TMEM225: variants seen among roughly 807,000 people sequenced by gnomAD.
TMEM225 encodes PMP22 claudin domain-containing protein.
Under a neutral mutation model 17.6 loss-of-function variants are expected in TMEM225, and 10 were observed. That is an observed-to-expected ratio of 0.57 (90% confidence interval 0.35 to 0.96). The LOEUF is 0.96. TMEM225 is among the 40% of genes least tolerant of loss of function. The pLI is 0.02. For missense variants in TMEM225, 245 were observed against 271.5 expected, an observed-to-expected ratio of 0.90 and a Z score of 0.69; for synonymous variants, 101 against 94.5, an observed-to-expected ratio of 1.07 and a Z score of -0.40.
chr11:123,882,963 G>T lies in TMEM225; in HGVS notation c.*175C>A. 2.1e-6 allele frequency: 1 copy of T among 475,390 alleles called. No homozygotes were observed. The highest frequency in any genetic ancestry group is 3.7e-6 in the Non-Finnish European group (1 of 270,398). 29.4% of individuals were successfully genotyped at this position (475,390 alleles called of 1,614,324 possible). On this transcript the variant is annotated 3_prime_UTR_variant, in exon 4 of 4. Coordinates refer to ENST00000375026, the MANE Select transcript of TMEM225 (RefSeq NM_001013743.3). ...ATTTATTATATTAACAACAAATGTT[G>T]CAGAAGAAACTATTCGTTCAGCAGG...
chr11:123,883,171 T>G lies in TMEM225; in HGVS notation c.645A>C (p.Lys215Asn), dbSNP rs752052107. The G allele has an allele frequency of 6.8e-6, 11 of 1,613,270 alleles. 1 individual carries two copies. The Admixed American group carries it at 1.7e-4, about 24-fold the overall frequency. ...RAHTVNSLNK[K>N]VQTRHVTWAL Reference sequence around the variant, plus strand: ...CCCAGGTTACGTGACGTGTTTGGACTTTTTTGTTTAGGGAATTCACAGTGT... The same window carrying G: ...CCCAGGTTACGTGACGTGTTTGGACGTTTTTGTTTAGGGAATTCACAGTGT... The change falls in exon 4 of 4, where the codon AAA becomes AAC. Residue 215 changes from lysine (K) to asparagine (N), a missense_variant. Transcript: ENST00000375026.
At chr11:123,883,387 G>T in intron 3 of TMEM225, 35 bp from the exon 4 acceptor site, 1 of 1,474,790 alleles carries the variant, frequency 6.8e-7, no homozygotes, top group Non-Finnish European at 9.5e-7. Context: ...TGGGATGAAG[G>T]GACAATGGAG....
At position 123,884,200 on chromosome 11, in the gene TMEM225, A is replaced by G. The variant is rs1240108023; in HGVS notation, c.338T>C (p.Leu113Pro). The G allele has an allele frequency of 2.6e-6, 4 of 1,562,392 alleles. No individual in the cohort carries two copies. Among genetic ancestry groups the G allele is most frequent in the Non-Finnish European group, 2.6e-6 (3 of 1,152,884 alleles). ...TILSFFSGIS[L>P]LWALILYHNK... ...GTGATATAGTATGAGTGCCCAGAGC[A>G]GAGAGATACCTGATGTCCAGACAAA... Residue 113 changes from leucine (L) to proline (P), a missense_variant, in exon 3 of 4, where the codon CTG (leucine) becomes CCG (proline). Transcript: ENST00000375026.
In TMEM225 at chr11:123,884,055, G is replaced by T. The variant is rs374644889; in HGVS notation, c.463+20C>A. On this transcript the variant is annotated intron_variant, in intron 3 of 3. Transcript: ENST00000375026. ...ATGGATTGGTTCTTAACACCCTTCA[G>T]GGGCCCTGGAGACACTCACCACAGA... 162 of 1,592,210 alleles carry T rather than the reference G, an allele frequency of 1.0e-4. No individual in the cohort carries two copies. The highest frequency in any genetic ancestry group is 1.4e-4 in the Non-Finnish European group (159 of 1,171,234).
intron 1 of TMEM225, 118 bp downstream of exon 1, chr11:123,885,127 T>A: frequency 1.1e-6 from 1 of 923,292 alleles, no homozygotes; most frequent in Non-Finnish European, 1.6e-6. Context: ...CACTGCAACT[T>A]GAGAAGCTGC....
chr11:123,883,972 T>TGGG, intron 3 of TMEM225, 103 bp downstream of exon 3: 1 of 1,289,912 alleles, frequency 7.8e-7, no homozygotes, highest in Non-Finnish European at 1.0e-6. Flanking sequence ...CCTTTTAAAA[T>TGGG]GCAAGGTTTG....
intron 1 of TMEM225, 36 bp downstream of exon 1, chr11:123,885,209 C>G: frequency 6.3e-7 from 1 of 1,593,782 alleles, no homozygotes; most frequent in Non-Finnish European, 8.6e-7. Context: ...CACACCCTTC[C>G]TTTCCACCCG....
rs1299501427 is a variant in TMEM225, at chr11:123,885,233, T to C, written c.181+12A>G. On this transcript the variant is annotated intron_variant, in intron 1 of 3. Coordinates refer to ENST00000375026, the MANE Select transcript of TMEM225 (RefSeq NM_001013743.3). The stretch of plus-strand genomic sequence containing the variant: ...CCTTTCCACCCGTCTCTTTCTAGAG[T>C]ACAGTTCTGACCTTCTGGCCAAAGA... 1 of 1,611,094 alleles carries C rather than the reference T, an allele frequency of 6.2e-7. No homozygotes were observed. Among genetic ancestry groups the C allele is most frequent in the South Asian group, 1.1e-5 (1 of 90,624 alleles).
In TMEM225 at chr11:123,884,222, C is replaced by CAAAAAAAAAAAAAAAAA; in HGVS notation, c.329-30_329-14dup. 7 of 1,230,850 alleles carry CAAAAAAAAAAAAAAAAA rather than the reference C, an allele frequency of 5.7e-6. No homozygotes were observed. Among genetic ancestry groups the CAAAAAAAAAAAAAAAAA allele is most frequent in the South Asian group, 4.1e-5 (2 of 49,224 alleles). 76.2% of individuals were successfully genotyped at this position (1,230,850 alleles called of 1,614,324 possible). On this transcript the variant is annotated splice_polypyrimidine_tract_variant and intron_variant, in intron 2 of 3. Coordinates refer to ENST00000375026, the MANE Select transcript of TMEM225 (RefSeq NM_001013743.3). ...AGCAGAGAGATACCTGATGTCCAGA[C>CAAAAAAAAAAAAAAAAA]AAAAAAAAAAAAAAAAAAAGAAAAA...
At position 123,883,125 on chromosome 11, in the gene TMEM225, A is replaced by G; in HGVS notation, c.*13T>C. On this transcript the variant is annotated 3_prime_UTR_variant, in exon 4 of 4. Transcript: ENST00000375026. ...TAAAGATGAGCATATACTGCAAGAA[A>G]TAGATTGCCAAATCACAGAGCCCAG... is the stretch of plus-strand genomic sequence containing the variant. The G allele has an allele frequency of 6.2e-7, 1 of 1,610,956 alleles. No homozygotes were observed. Among genetic ancestry groups the G allele is most frequent in the Non-Finnish European group, 8.5e-7 (1 of 1,177,474 alleles).
chr11:123,885,313 G>C lies in TMEM225; in HGVS notation c.113C>G (p.Ser38Ter). Residue 38 changes from serine (S) to a stop codon, truncating the protein, a stop_gained, in exon 1 of 4, where the codon TCA becomes TGA. Coordinates refer to ENST00000375026, the MANE Select transcript of TMEM225 (RefSeq NM_001013743.3). LOFTEE classifies it high-confidence loss of function. Reference protein sequence around the residue: ...ITLDKWVELISEDERAKMNHS... With the variant: ...ITLDKWVELI ...GTTCATCTTGGCTCTTTCATCTTCTGAAATCAATTCAACCCATTTATCTAA... is the reference window on the plus strand; with the variant it reads ...GTTCATCTTGGCTCTTTCATCTTCTCAAATCAATTCAACCCATTTATCTAA... 6.2e-7 allele frequency: 1 copy of C among 1,613,602 alleles called. No individual in the cohort carries two copies. The highest frequency in any genetic ancestry group is 8.5e-7 in the Non-Finnish European group (1 of 1,179,706).
At position 123,884,187 on chromosome 11, in the gene TMEM225, G is replaced by A; in HGVS notation, c.351C>T (p.Leu117=). The A allele has an allele frequency of 6.4e-7, 1 of 1,552,782 alleles. No individual in the cohort carries two copies. Among genetic ancestry groups the A allele is most frequent in the Non-Finnish European group, 8.8e-7 (1 of 1,138,788 alleles). The part of the protein sequence containing the change: ...FFSGISLLWA[L]ILYHNKLKQG... Reference sequence around the variant, plus strand: ...GCTTCAGCTTATTGTGATATAGTATGAGTGCCCAGAGCAGAGAGATACCTG... The same window carrying A: ...GCTTCAGCTTATTGTGATATAGTATAAGTGCCCAGAGCAGAGAGATACCTG... Residue 117 remains leucine (L), a synonymous_variant, in exon 3 of 4, where the codon CTC becomes CTT. Coordinates refer to ENST00000375026, the MANE Select transcript of TMEM225 (RefSeq NM_001013743.3).
At position 123,883,353 on chromosome 11, in the gene TMEM225, C is replaced by G. The variant is rs1862990614; in HGVS notation, c.464-1G>C. On this transcript the variant is annotated splice_acceptor_variant, in intron 3 of 3. Coordinates refer to ENST00000375026, the MANE Select transcript of TMEM225 (RefSeq NM_001013743.3). LOFTEE classifies it high-confidence loss of function. ...TTGCACTCTAGGAGAGAGAGGACTC[C>G]TAGGGAAAAGAGATTCCAGGGAGTG... is the stretch of plus-strand genomic sequence containing the variant. 6.2e-7 allele frequency: 1 copy of G among 1,606,444 alleles called. No individual in the cohort carries two copies. The highest frequency in any genetic ancestry group is 8.5e-7 in the Non-Finnish European group (1 of 1,173,778).
At position 123,885,279 on chromosome 11, in the gene TMEM225, A is replaced by G. The variant is rs750905300; in HGVS notation, c.147T>C (p.Pro49=). 4 of 1,613,588 alleles carry G rather than the reference A, an allele frequency of 2.5e-6. No homozygotes were observed. Among genetic ancestry groups the G allele is most frequent in the Non-Finnish European group, 3.4e-6 (4 of 1,179,664 alleles). ...EDERAKMNHS[P]WMMCCPALWP... ...AAAGAGCAGGGCAACACATCATCCAAGGACTGTGGTTCATCTTGGCTCTTT... is the reference window on the plus strand; with the variant it reads ...AAAGAGCAGGGCAACACATCATCCAGGGACTGTGGTTCATCTTGGCTCTTT... Residue 49 remains proline, a synonymous_variant, in exon 1 of 4, where the codon CCT becomes CCC. Transcript: ENST00000375026.
chr11:123,885,232 G>C lies in TMEM225; in HGVS notation c.181+13C>G. The C allele has an allele frequency of 6.2e-7, 1 of 1,611,042 alleles. No individual in the cohort carries two copies. The highest frequency in any genetic ancestry group is 8.5e-7 in the Non-Finnish European group (1 of 1,178,384). On this transcript the variant is annotated intron_variant, in intron 1 of 3. Transcript: ENST00000375026. ...TCCTTTCCACCCGTCTCTTTCTAGA[G>C]TACAGTTCTGACCTTCTGGCCAAAG...
rs1862988479 is a variant in TMEM225 at position 123,883,292 on chromosome 11, T to C, written c.524A>G (p.His175Arg). ...STSSCTCLNI[H>R]KSDNECKESE... is the part of the protein sequence containing the mutation. ...TTCCTTACATTCGTTGTCAGATTTA[T>C]GGATGTTCAGGCAGGTACAGCTACT... Residue 175 changes from histidine to arginine, a missense_variant, in exon 4 of 4, where the codon CAT (histidine) becomes CGT (arginine). Transcript: ENST00000375026. 4.3e-6 allele frequency: 7 copies of C among 1,613,422 alleles called. No individual in the cohort carries two copies. The highest frequency in any genetic ancestry group is 5.9e-6 in the Non-Finnish European group (7 of 1,179,602).
At position 123,885,398 on chromosome 11, in the gene TMEM225, G is replaced by T. The variant is rs781422550; in HGVS notation, c.28C>A (p.Gln10Lys). 5.6e-6 allele frequency: 9 copies of T among 1,612,674 alleles called. No homozygotes were observed. In the East Asian group the frequency reaches 2.0e-4, roughly 36 times the overall value. The stretch of plus-strand genomic sequence containing the variant: ...GAGGAGAAAAGTATGTTCATACCCT[G>T]GATACTTCTATTTGAAACATGCACC... MVHVSNRSIQGMNILFSSWA... is the reference protein window; with the variant it reads MVHVSNRSIKGMNILFSSWA... Residue 10 changes from glutamine (Q) to lysine (K), a missense_variant, in exon 1 of 4, where the codon CAG (glutamine) becomes AAG (lysine). Transcript: ENST00000375026.
At chr11:123,885,204 C>A (rs373150539) in intron 1 of TMEM225, 41 bp downstream of exon 1, 5 of 1,580,700 alleles carry the variant, frequency 3.2e-6, no homozygotes, top group Non-Finnish European at 4.3e-6. Context: ...AAGGACACAC[C>A]CTTCCTTTCC....
intron 1 of TMEM225, 60 bp from the exon 2 acceptor site, chr11:123,884,696 C>T (rs1482117186): frequency 6.6e-6 from 10 of 1,521,098 alleles, no homozygotes; most frequent in African/African-American, 4.2e-5. Context: ...TCATTTCTAC[C>T]TGGGGTCCAG....
Sources: gnomAD v4.1 joint callset for allele counts on GRCh38, gnomAD v4.1.1 for gene constraint, MANE v1.5 for transcripts, NCBI Gene and HGNC (gene_info 2026-07-23, HGNC 2026-07-21) for gene names.